RARB: variants seen among roughly 807,000 people sequenced by gnomAD.
The protein encoded by RARB is retinoic acid receptor beta, also known as HBV-activated protein.
RARB carries 17 observed loss-of-function variants against 51.9 expected under a neutral mutation model. The observed-to-expected ratio is 0.33, with a 90% CI of 0.22 to 0.49. RARB has a LOEUF of 0.49. Among genes scored for constraint, RARB ranks in the 20% least tolerant of loss-of-function variants. RARB has a pLI of 0.99. For synonymous variants in RARB, 215 were observed against 195.4 expected (o/e 1.10, Z -0.84); for missense variants, 369 against 550.8 (o/e 0.67, Z 3.30).
intron 5 of RARB, among the ~76,000 whole-genome samples, chr3:25,217,806 C>T (rs750455952): frequency 2.0e-5 from 3 of 152,158 alleles, no homozygotes; most frequent in Non-Finnish European, 2.9e-5. Flanking sequence ...CCTTCCTGTC[C>T]TGAGCTCCCT....
intron 5 of RARB, among the ~76,000 whole-genome samples, chr3:25,589,793 G>T (rs1701542635): frequency 1.3e-5 from 2 of 152,222 alleles, no homozygotes; most frequent in Non-Finnish European, 2.9e-5. Flanking sequence ...CCCTGCTTTG[G>T]TTGGTGAGAC....
At chr3:25,120,738 A>C (rs1267275957) in intron 3 of RARB, among the ~76,000 whole-genome samples, 1 of 152,176 alleles carries the variant, frequency 6.6e-6, no homozygotes, top group African/African-American at 2.4e-5. Context: ...ATGAAGATGA[A>C]TGACCTACGG....
intron 3 of RARB, among the ~76,000 whole-genome samples, chr3:25,094,053 G>A (rs1312315830): frequency 1.3e-5 from 2 of 152,120 alleles, no homozygotes; most frequent in Non-Finnish European, 1.5e-5. Context: ...TTGTAAGTGG[G>A]TATGGTCCAG....
chr3:25,182,617 G>A (rs1170397809), intron 5 of RARB, among the ~76,000 whole-genome samples: 3 of 152,170 alleles, frequency 2.0e-5, no homozygotes, highest in East Asian at 1.9e-4. Flanking sequence ...GAAGCTCTGT[G>A]AGAATTTTCT....
intron 4 of RARB, among the ~76,000 whole-genome samples, chr3:25,154,140 C>A (rs1700337575): frequency 6.6e-6 from 1 of 152,164 alleles, no homozygotes; most frequent in African/African-American, 2.4e-5. Flanking sequence ...TTAAAGATAT[C>A]TTATTGATTT....
At chr3:25,155,887 T>G (rs1700365433) in intron 4 of RARB, among the ~76,000 whole-genome samples, 1 of 152,252 alleles carries the variant, frequency 6.6e-6, no homozygotes, top group Admixed American at 6.5e-5. Context: ...TTTTACATGA[T>G]AGCTTCCCTG....
chr3:25,505,059 G>A (rs933619422), intron 3 of RARB, among the ~76,000 whole-genome samples: 2 of 152,200 alleles, frequency 1.3e-5, no homozygotes, highest in Admixed American at 1.3e-4. Context: ...GATTACAGGC[G>A]TGAGCCACCG....
At chr3:25,213,961 G>A (rs150181085) in intron 5 of RARB, among the ~76,000 whole-genome samples, 1 of 152,250 alleles carries the variant, frequency 6.6e-6, no homozygotes, top group African/African-American at 2.4e-5. Context: ...TAGACATGCT[G>A]ATGGCCAACC....
intron 4 of RARB, among the ~76,000 whole-genome samples, chr3:25,576,393 A>G (rs986823377): frequency 6.6e-6 from 1 of 152,190 alleles, no homozygotes; most frequent in East Asian, 1.9e-4. Context: ...GGCCCCTTCC[A>G]GCAGCTGGGA....
chr3:25,582,219 T>C (rs1343766680), intron 5 of RARB, among the ~76,000 whole-genome samples: 1 of 152,190 alleles, frequency 6.6e-6, no homozygotes, highest in Non-Finnish European at 1.5e-5. Context: ...TGAAAATTAC[T>C]GGGCCTTTTA....
At chr3:25,498,441 A>G (rs1697145439) in intron 2 of RARB, among the ~76,000 whole-genome samples, 1 of 152,210 alleles carries the variant, frequency 6.6e-6, no homozygotes, top group South Asian at 2.1e-4. Flanking sequence ...CTCATAGCAT[A>G]TATTTTAGCC....
chr3:25,580,463 T>A, intron 4 of RARB, 83 bp from the exon 5 acceptor site: 2 of 1,322,644 alleles, frequency 1.5e-6, no homozygotes, highest in Non-Finnish European at 2.1e-6. Context: ...TGTCACCCCC[T>A]CTAATTGGAA....
intron 3 of RARB, among the ~76,000 whole-genome samples, chr3:25,104,312 C>A (rs1699458201): frequency 6.6e-6 from 1 of 152,102 alleles, no homozygotes; most frequent in Admixed American, 6.6e-5. Flanking sequence ...GGAAATCTCT[C>A]ACTATCTACT....
chr3:24,937,937 G>A (rs185662634), intron 2 of RARB, among the ~76,000 whole-genome samples: 1 of 152,114 alleles, frequency 6.6e-6, no homozygotes, highest in Non-Finnish European at 1.5e-5. Context: ...AATCTGAGGA[G>A]ACCGCACATG....
chr3:24,885,764 A>C (rs189949600), intron 2 of RARB, among the ~76,000 whole-genome samples: 1 of 152,312 alleles, frequency 6.6e-6, no homozygotes, highest in East Asian at 1.9e-4. Flanking sequence ...CAGGGTCTGC[A>C]GTCCCATTTA....
At chr3:24,971,944 T>G (rs753997033) in intron 2 of RARB, among the ~76,000 whole-genome samples, 2 of 151,734 alleles carry the variant, frequency 1.3e-5, no homozygotes, top group East Asian at 3.9e-4. Flanking sequence ...TTGATACATG[T>G]GTATAATCAA....
At chr3:25,507,651 G>A (rs980681073) in intron 3 of RARB, among the ~76,000 whole-genome samples, 3 of 152,196 alleles carry the variant, frequency 2.0e-5, no homozygotes, top group African/African-American at 7.2e-5. Context: ...AGTTAAGAGG[G>A]AGAAGCAAAG....
At chr3:24,953,565 T>C (rs1695944619) in intron 2 of RARB, among the ~76,000 whole-genome samples, 1 of 152,196 alleles carries the variant, frequency 6.6e-6, no homozygotes. Context: ...TCAAAACACC[T>C]ACCTGCAATG....
At chr3:25,360,615 G>A (rs987329340) in intron 5 of RARB, among the ~76,000 whole-genome samples, 8 of 152,056 alleles carry the variant, frequency 5.3e-5, no homozygotes, top group East Asian at 1.9e-4. Flanking sequence ...GGCTGGTACC[G>A]GTTTTTCCTT....
Sources: allele counts gnomAD v4.1 joint callset (sites outside exome capture counted in the v4.1 genomes callset), GRCh38; gene constraint gnomAD v4.1.1; transcripts MANE v1.5; gene names NCBI Gene and HGNC (gene_info 2026-07-23, HGNC 2026-07-21).